The following WWC2 variants were observed in gnomAD, a reference collection of about 807,000 sequenced individuals.
The protein encoded by WWC2 is protein WWC2.
In WWC2, 101 loss-of-function variants were observed where a neutral mutation model predicts 138.5. The observed-to-expected ratio is 0.73, with a 90% CI of 0.62 to 0.86. The LOEUF is 0.86. Ranked by LOEUF, WWC2 falls within the 40% of genes least tolerant of loss-of-function variation. The pLI is 0.00. For synonymous variants in WWC2, 558 were observed against 538.4 expected, an observed-to-expected ratio of 1.04 and a Z score of -0.50; for missense variants, 1,420 against 1,419.4, an observed-to-expected ratio of 1.00 and a Z score of -0.01.
intron 21 of WWC2, among the ~76,000 whole-genome samples, chr4:183,296,109 C>T (rs183931847): frequency 5.3e-5 from 8 of 152,350 alleles, no homozygotes; most frequent in African/African-American, 1.9e-4. Flanking sequence ...GTGCCTGCCT[C>T]AGAGCCAGTG....
At chr4:183,254,120 A>G (rs916621621) in intron 9 of WWC2, 121 bp downstream of exon 9, 1 of 1,411,634 alleles carries the variant, frequency 7.1e-7, no homozygotes, top group Admixed American at 2.8e-5. Context: ...GAGAAACAGC[A>G]CAAATGGACT....
rs1254267301 is a variant in WWC2 at position 183,175,057 on chromosome 4, C to T, written c.132-18542C>T. On this transcript the variant is annotated intron_variant, in intron 1 of 22. Coordinates refer to ENST00000403733, the MANE Select transcript of WWC2 (RefSeq NM_024949.6). ...TGCTGTAACATTTGAAGGTAAGGTA[C>T]AGACAGCTATTATGACCCTTCTCTC... 2.0e-5 allele frequency among the ~76,000 whole-genome samples: 3 copies of T among 151,932 alleles called. No homozygotes were observed. The East Asian group carries it at 5.8e-4, about 29-fold the overall frequency.
chr4:183,277,005 G>C (rs564563465), intron 16 of WWC2, among the ~76,000 whole-genome samples: 1 of 148,972 alleles, frequency 6.7e-6, no homozygotes, highest in South Asian at 2.1e-4. Flanking sequence ...TATACTTTAA[G>C]TTTTAGGGTA....
intron 22 of WWC2, 35 bp downstream of exon 22, chr4:183,312,503 C>T (rs779879178): frequency 1.2e-6 from 2 of 1,610,946 alleles, no homozygotes; most frequent in Admixed American, 1.7e-5. Flanking sequence ...TTTTGGGTTG[C>T]CCTCACGGGG....
chr4:183,236,661 CCTT>C (rs1736433575), intron 4 of WWC2, among the ~76,000 whole-genome samples: 1 of 152,088 alleles, frequency 6.6e-6, no homozygotes, highest in Non-Finnish European at 1.5e-5. Flanking sequence ...AGTATGAAGT[CCTT>C]CTTAGGCCAT....
intron 1 of WWC2, among the ~76,000 whole-genome samples, chr4:183,118,523 C>G (rs1008830789): frequency 5.3e-5 from 8 of 152,250 alleles, no homozygotes; most frequent in African/African-American, 1.9e-4. Flanking sequence ...CTAGATTATG[C>G]ATGTGAAAAA....
chr4:183,286,697 T>C (rs980283663), intron 20 of WWC2, among the ~76,000 whole-genome samples: 6 of 152,170 alleles, frequency 3.9e-5, no homozygotes, highest in Non-Finnish European at 8.8e-5. Flanking sequence ...ACTGTGATCA[T>C]TTTGGCTTAA....
intron 2 of WWC2, among the ~76,000 whole-genome samples, chr4:183,203,348 G>A (rs1022893257): frequency 2.6e-5 from 4 of 151,746 alleles, no homozygotes; most frequent in Non-Finnish European, 4.4e-5. Context: ...TGAGGTACCC[G>A]CATTATCACC....
At chr4:183,261,634 CTCTT>C in intron 11 of WWC2, 102 bp downstream of exon 11, 1 of 1,330,986 alleles carries the variant, frequency 7.5e-7, no homozygotes, top group Non-Finnish European at 1.0e-6. Context: ...GATTCCCCTT[CTCTT>C]TCTTTTGAGT....
At chr4:183,216,793 T>C (rs1021526602) in intron 4 of WWC2, among the ~76,000 whole-genome samples, 9 of 152,118 alleles carry the variant, frequency 5.9e-5, no homozygotes, top group Admixed American at 3.9e-4. Context: ...GCTACAGAGA[T>C]AGAAGAGAGC....
At chr4:183,246,469 T>A (rs915225836) in intron 6 of WWC2, among the ~76,000 whole-genome samples, 1 of 152,174 alleles carries the variant, frequency 6.6e-6, no homozygotes, top group Admixed American at 6.5e-5. Flanking sequence ...TATTCTTGGA[T>A]CCATATAATT....
intron 17 of WWC2, 165 bp from the exon 18 acceptor site, chr4:183,282,543 G>A (rs1380715664): frequency 5.8e-6 from 4 of 685,940 alleles, no homozygotes; most frequent in Non-Finnish European, 7.3e-6. Flanking sequence ...GGTGAAGAGA[G>A]GATTTTTTTA....
chr4:183,203,044 A>T (rs552454432), intron 2 of WWC2, among the ~76,000 whole-genome samples: 1 of 152,342 alleles, frequency 6.6e-6, no homozygotes, highest in South Asian at 2.1e-4. Flanking sequence ...TTTGTAAATG[A>T]CACACCTGAA....
intron 21 of WWC2, among the ~76,000 whole-genome samples, chr4:183,296,996 T>G (rs1371279070): frequency 6.7e-6 from 1 of 150,174 alleles, no homozygotes; most frequent in Non-Finnish European, 1.5e-5. Flanking sequence ...GATTTCTTTT[T>G]GAGACAGGGC....
intron 3 of WWC2, 95 bp downstream of exon 3, chr4:183,208,251 C>A (rs771949738): frequency 7.8e-7 from 1 of 1,283,172 alleles, no homozygotes; most frequent in Non-Finnish European, 1.1e-6. Flanking sequence ...AATTTTGAGT[C>A]CTTTTCCCTC....
In WWC2 at chr4:183,261,187, C is replaced by A. The variant is rs1296307835; in HGVS notation, c.1564C>A (p.Leu522Ile). ...CCCTAGCCAGCCTGGCCAGAGTGGA[C>A]TCTGTGGAGTGGCAGCTGCAGCAAC... Reference protein sequence around the residue: ...KSPSQPGQSGLCGVAAAATGH... With the variant: ...KSPSQPGQSGICGVAAAATGH... The change falls in exon 11 of 23, where the codon CTC becomes ATC. Residue 522 changes from leucine (L) to isoleucine (I), a missense_variant. By Grantham distance (5) the Leu-to-Ile change is conservative. Coordinates refer to ENST00000403733, the MANE Select transcript of WWC2 (RefSeq NM_024949.6). 1.2e-6 allele frequency: 2 copies of A among 1,613,534 alleles called. No homozygotes were observed. The highest frequency in any genetic ancestry group is 1.7e-6 in the Non-Finnish European group (2 of 1,179,766).
chr4:183,162,547 T>C (rs1733992487), intron 1 of WWC2, among the ~76,000 whole-genome samples: 1 of 152,186 alleles, frequency 6.6e-6, no homozygotes, highest in Non-Finnish European at 1.5e-5. Flanking sequence ...CCTAGACTCT[T>C]AGTAGTATTC....
chr4:183,157,655 C>T (rs949111682), intron 1 of WWC2, among the ~76,000 whole-genome samples: 3 of 152,236 alleles, frequency 2.0e-5, no homozygotes, highest in South Asian at 2.1e-4. Flanking sequence ...TGCATGCCAC[C>T]ACACCCAGCT....
At chr4:183,200,200 T>G (rs1223760494) in intron 2 of WWC2, among the ~76,000 whole-genome samples, 1 of 140,940 alleles carries the variant, frequency 7.1e-6, no homozygotes. Flanking sequence ...TTTATTATCA[T>G]CATCATTATT....
Sources: allele counts gnomAD v4.1 joint callset (sites outside exome capture counted in the v4.1 genomes callset), GRCh38; gene constraint gnomAD v4.1.1; transcripts MANE v1.5; gene names NCBI Gene and HGNC (gene_info 2026-07-23, HGNC 2026-07-21).